SYTL2: variants seen among roughly 807,000 people sequenced by gnomAD.
SYTL2 encodes synaptotagmin like 2, also known as synaptotagmin-like protein 2.
A neutral mutation model predicts 198.7 loss-of-function variants in SYTL2; 165 were observed. The observed-to-expected ratio is 0.83, with a 90% CI of 0.73 to 0.94. The LOEUF is 0.94. Ranked by LOEUF, SYTL2 falls within the 40% of genes least tolerant of loss-of-function variation. The pLI is 0.00. For missense variants in SYTL2, 2,835 were observed against 2,582.8 expected (o/e 1.10, Z -2.12); for synonymous variants, 966 against 917.7 (o/e 1.05, Z -0.95).
At position 85,726,715 on chromosome 11, in the gene SYTL2, C is replaced by G; in HGVS notation, c.2643G>C (p.Lys881Asn). 1.3e-6 allele frequency: 2 copies of G among 1,536,078 alleles called. No homozygotes were observed. Among genetic ancestry groups the G allele is most frequent in the Non-Finnish European group, 8.7e-7 (1 of 1,146,886 alleles). The change falls in exon 8 of 20, where the codon AAG becomes AAC. Residue 881 changes from lysine (K) to asparagine (N), a missense_variant. This residue lies in a region of SYTL2 where 2,645 missense variants were observed against 2,381.7 expected (regional missense o/e 1.11). Coordinates refer to ENST00000359152, the MANE Select transcript of SYTL2 (RefSeq NM_206927.4). Reference sequence around the variant, plus strand: ...ATCTGGATGGACCTGCTATTTGTGGCTTGGTCTCTTTAGATTTATTTGAGG... The same window carrying G: ...ATCTGGATGGACCTGCTATTTGTGGGTTGGTCTCTTTAGATTTATTTGAGG... ...SYSSNKSKET[K>N]PQIAGPSRYY...
chr11:85,784,596 G>A (rs2092608554), intron 1 of SYTL2, among the ~76,000 whole-genome samples: 1 of 151,902 alleles, frequency 6.6e-6, no homozygotes. Context: ...TCAAATTCAG[G>A]GTCCATAATT....
the SYTL2 span, among the ~76,000 whole-genome samples, chr11:85,840,324 T>G: frequency 6.6e-6 from 1 of 152,326 alleles, no homozygotes; most frequent in African/African-American, 2.4e-5. Flanking sequence ...TTGCTTTGCT[T>G]GCCTGTGCTT....
chr11:85,767,818 A>C lies in SYTL2; in HGVS notation c.-389-9704T>G, dbSNP rs78507147. Reference sequence around the variant, plus strand: ...TAGGATATTTTTCAGAATGGTGCCTAGATGATTGTAATATGCAGCCAGAAT... The same window carrying C: ...TAGGATATTTTTCAGAATGGTGCCTCGATGATTGTAATATGCAGCCAGAAT... On this transcript the variant is annotated intron_variant, in intron 1 of 19. Coordinates refer to ENST00000359152, the MANE Select transcript of SYTL2 (RefSeq NM_206927.4). Among the ~76,000 whole-genome samples, 400 of 152,310 alleles carry C rather than the reference A, an allele frequency of 2.6e-3. 3 individuals are homozygous for C. The highest frequency in any genetic ancestry group is 8.9e-3 in the African/African-American group (372 of 41,570).
chr11:85,699,234 T>C (rs904353327), intron 17 of SYTL2, among the ~76,000 whole-genome samples: 15 of 152,220 alleles, frequency 9.9e-5, no homozygotes, highest in African/African-American at 3.4e-4. Context: ...TGAGATCTAA[T>C]ATAGTTAGGG....
Position 85,727,174 on chromosome 11 carries a change from GT to G in SYTL2, c.2183del (p.Asn728ThrfsTer2). On this transcript the variant is annotated frameshift_variant, in exon 8 of 20. Transcript: ENST00000359152. LOFTEE classifies it high-confidence loss of function. The stretch of plus-strand genomic sequence containing the variant: ...CTTTGCTCTTTCTCTCTGCATTCAT[GT>G]TATCTTTCAAACCTGGTTCTTTGAC... ...TVVKEPGLKDNMNAERKSKVG... is the reference protein window; with the variant it reads ...TVVKEPGLKDXMNAERKSKVG... 6.5e-7 allele frequency: 1 copy of G among 1,536,538 alleles called. No homozygotes were observed. Among genetic ancestry groups the G allele is most frequent in the Middle Eastern group, 1.7e-4 (1 of 5,994 alleles).
intron 8 of SYTL2, among the ~76,000 whole-genome samples, chr11:85,722,728 A>T (rs1382802017): frequency 1.3e-5 from 2 of 152,042 alleles, no homozygotes; most frequent in East Asian, 3.9e-4. Flanking sequence ...TTTAGAGATT[A>T]AATAAATTTA....
intron 4 of SYTL2, among the ~76,000 whole-genome samples, chr11:85,739,342 C>T (rs2090607146): frequency 1.3e-5 from 2 of 149,498 alleles, no homozygotes; most frequent in Non-Finnish European, 3.0e-5. Context: ...TCTGTTTCCG[C>T]TATTCGGAAA....
intron 19 of SYTL2, among the ~76,000 whole-genome samples, chr11:85,695,952 C>T (rs1419805122): frequency 1.3e-5 from 2 of 152,162 alleles, no homozygotes; most frequent in Non-Finnish European, 2.9e-5. Flanking sequence ...CTGCCACTGC[C>T]ACAATAACTT....
At position 85,726,655 on chromosome 11, in the gene SYTL2, A is replaced by C; in HGVS notation, c.2703T>G (p.Ser901=). 1 of 1,536,988 alleles carries C rather than the reference A, an allele frequency of 6.5e-7. No individual in the cohort carries two copies. The highest frequency in any genetic ancestry group is 8.7e-7 in the Non-Finnish European group (1 of 1,147,132). Residue 901 remains serine (S), a synonymous_variant, in exon 8 of 20, where the codon TCT becomes TCG. Transcript: ENST00000359152. The stretch of plus-strand genomic sequence containing the variant: ...GCTCATTTTTCTTATTCTGAAACAG[A>C]GACACTTTATCTGATTGCTCAGCTG... The part of the protein sequence containing the change: ...YLSAEQSDKV[S]LFQNKKNEPI...
At chr11:85,851,715 A>G in the SYTL2 span, among the ~76,000 whole-genome samples, 6 of 152,270 alleles carry the variant, frequency 3.9e-5, no homozygotes, top group Admixed American at 3.9e-4. Flanking sequence ...CCAGGCTCTC[A>G]TAATAGAAGC....
chr11:85,760,793 G>C (rs2092075232), intron 1 of SYTL2, among the ~76,000 whole-genome samples: 1 of 151,964 alleles, frequency 6.6e-6, no homozygotes, highest in East Asian at 1.9e-4. Flanking sequence ...AAAGCTCTGA[G>C]GGTTAAAATT....
chr11:85,710,896 C>CA (rs1179657212), intron 13 of SYTL2, among the ~76,000 whole-genome samples: 1 of 151,520 alleles, frequency 6.6e-6, no homozygotes, highest in Non-Finnish European at 1.5e-5. Context: ...TCAACAACAA[C>CA]AAAAAACCCC....
At chr11:85,717,750 G>A (rs964870945) in intron 10 of SYTL2, 14 of 581,234 alleles carry the variant, frequency 2.4e-5, no homozygotes, top group Middle Eastern at 2.6e-4. Context: ...AAAGAGATAC[G>A]GAGCATCCTT....
chr11:85,740,478 C>A (rs1167636210), intron 4 of SYTL2, among the ~76,000 whole-genome samples: 1 of 152,158 alleles, frequency 6.6e-6, no homozygotes, highest in Non-Finnish European at 1.5e-5. Flanking sequence ...TTCTTCCTGG[C>A]ACTATTTGCT....
chr11:85,725,765 G>C lies in SYTL2; in HGVS notation c.3593C>G (p.Thr1198Arg). The part of the protein sequence containing the change: ...EKIINEHVDK[T>R]VVHPKVKRNS... ...CCGTTTAACCTTTGGATGAACTACT[G>C]TTTTGTCAACATGCTCATTAATGAT... The change falls in exon 8 of 20, where the codon ACA becomes AGA. Residue 1198 changes from threonine to arginine, a missense_variant. Transcript: ENST00000359152. 1 of 1,614,138 alleles carries C rather than the reference G, an allele frequency of 6.2e-7. No homozygotes were observed. The highest frequency in any genetic ancestry group is 8.5e-7 in the Non-Finnish European group (1 of 1,179,986).
chr11:85,774,185 T>A (rs530326737), intron 1 of SYTL2, among the ~76,000 whole-genome samples: 4 of 152,332 alleles, frequency 2.6e-5, no homozygotes, highest in African/African-American at 9.6e-5. Context: ...TTGGTAGGAC[T>A]TGAATTTTAT....
intron 1 of SYTL2, among the ~76,000 whole-genome samples, chr11:85,776,220 A>C (rs1172833995): frequency 6.6e-6 from 1 of 152,166 alleles, no homozygotes; most frequent in East Asian, 1.9e-4. Context: ...TAGATGCCCA[A>C]TCTTGAACTT....
chr11:85,847,757 T>C, the SYTL2 span, among the ~76,000 whole-genome samples: 1 of 152,260 alleles, frequency 6.6e-6, no homozygotes, highest in Non-Finnish European at 1.5e-5. Flanking sequence ...CAATTGGCCA[T>C]GAATATATCT....
chr11:85,841,292 C>T, the SYTL2 span, among the ~76,000 whole-genome samples: 4 of 152,200 alleles, frequency 2.6e-5, no homozygotes, highest in African/African-American at 9.7e-5. Flanking sequence ...AACAGAAATA[C>T]CATTCAACCC....
Sources: gnomAD v4.1 joint callset for allele counts (sites outside exome capture counted in the v4.1 genomes callset) on GRCh38, gnomAD v4.1.1 for gene constraint, gnomAD v4.1.1 regional missense constraint, MANE v1.5 for transcripts, NCBI Gene and HGNC (gene_info 2026-07-23, HGNC 2026-07-21) for gene names.